The following TDRD9 variants were observed in gnomAD, a reference collection of about 807,000 sequenced individuals.
The protein encoded by TDRD9 is ATP-dependent RNA helicase TDRD9.
In TDRD9, 124 loss-of-function variants were observed where a neutral mutation model predicts 172.6. The observed-to-expected ratio is 0.72, with a 90% CI of 0.62 to 0.83. TDRD9 has a LOEUF of 0.83. TDRD9 is among the 40% of genes least tolerant of loss of function. TDRD9 has a pLI of 0.00. For synonymous variants in TDRD9, 619 were observed against 617.1 expected (o/e 1.00, Z -0.05); for missense variants, 1,479 against 1,714.1 (o/e 0.86, Z 2.42).
chr14:103,941,383 C>CAT lies in TDRD9; in HGVS notation c.215+12661_215+12662dup, dbSNP rs2031222976. 5 of 1,518,130 alleles carry CAT rather than the reference C, an allele frequency of 3.3e-6. No individual in the cohort carries two copies. The East Asian group carries it at 1.2e-4, about 37-fold the overall frequency. 94.0% of individuals were successfully genotyped at this position (1,518,130 alleles called of 1,614,324 possible). The stretch of plus-strand genomic sequence containing the variant: ...AGCAGTAGCAGGAATCATAAGAGAA[C>CAT]ATAGTATTTTTACCTGCTGAGAATA... On this transcript the variant is annotated intron_variant, in intron 1 of 35. Transcript: ENST00000409874.
chr14:103,998,800 T>C (rs2034150524), intron 13 of TDRD9, 72 bp downstream of exon 13: 3 of 805,856 alleles, frequency 3.7e-6, no homozygotes, highest in Admixed American at 2.2e-5. Flanking sequence ...GCTTTTTTTT[T>C]TTTTTTCTCT....
At chr14:104,029,019 A>C (rs1596007031) in intron 28 of TDRD9, among the ~76,000 whole-genome samples, 1 of 152,204 alleles carries the variant, frequency 6.6e-6, no homozygotes, top group East Asian at 1.9e-4. Flanking sequence ...TGGGTTCTCT[A>C]TTCTGTTCCA....
chr14:103,990,825 A>T (rs2033836998), intron 8 of TDRD9, among the ~76,000 whole-genome samples: 2 of 152,232 alleles, frequency 1.3e-5, no homozygotes, highest in South Asian at 2.1e-4. Context: ...TGGACTCATG[A>T]ACATTTAAAT....
rs75611102 is a variant in TDRD9, at chr14:103,930,885, A to G, written c.215+2161A>G. On this transcript the variant is annotated intron_variant, in intron 1 of 35. Coordinates refer to ENST00000409874, the MANE Select transcript of TDRD9 (RefSeq NM_153046.3). ...TTAAGTGCCATTTTAAGCACTAAGG[A>G]CAAGTTTTTAAGATTTCTAGTCCTT... Among the ~76,000 whole-genome samples, 23 of 152,350 alleles carry G rather than the reference A, an allele frequency of 1.5e-4. No homozygotes were observed. The East Asian group carries it at 4.2e-3, about 28-fold the overall frequency.
At chr14:103,950,227 T>G (rs1394366429) in intron 1 of TDRD9, among the ~76,000 whole-genome samples, 1 of 151,716 alleles carries the variant, frequency 6.6e-6, no homozygotes, top group Non-Finnish European at 1.5e-5. Flanking sequence ...GTAGCTGGGA[T>G]TATAGGCACG....
chr14:103,936,353 A>G (rs544731153), intron 1 of TDRD9, among the ~76,000 whole-genome samples: 3 of 152,284 alleles, frequency 2.0e-5, no homozygotes, highest in African/African-American at 7.2e-5. Context: ...TGGCCTCCCA[A>G]AGTGCTAGGA....
At chr14:104,001,425 C>T (rs991651052) in intron 13 of TDRD9, among the ~76,000 whole-genome samples, 2 of 152,196 alleles carry the variant, frequency 1.3e-5, no homozygotes, top group African/African-American at 4.8e-5. Flanking sequence ...CTTTTTATTA[C>T]TAAGTAGTAC....
rs1170296053 is a variant in TDRD9, at chr14:103,965,451, G to T, written c.539G>T (p.Cys180Phe). Residue 180 changes from cysteine (C) to phenylalanine (F), a missense_variant, in exon 4 of 36, where the codon TGC becomes TTC. Cys to Phe is a radical substitution (Grantham distance 205, BLOSUM62 -2). Transcript: ENST00000409874. ...CACTACGTTCAGCGCTCCGCCTACT[G>T]CAGCATTGTGGTCACCCAGCCCCGG... ...LDHYVQRSAY[C>F]SIVVTQPRKI... 6.4e-7 allele frequency: 1 copy of T among 1,551,542 alleles called. No individual in the cohort carries two copies.
chr14:103,977,525 T>TAAAA (rs1333737292), intron 7 of TDRD9, among the ~76,000 whole-genome samples: 2 of 127,926 alleles, frequency 1.6e-5, no homozygotes, highest in African/African-American at 6.0e-5. Flanking sequence ...AAAAAAAAAT[T>TAAAA]GGATTGTTTT....
In TDRD9 at chr14:103,970,587, G is replaced by T; in HGVS notation, c.812G>T (p.Arg271Leu). The change falls in exon 6 of 36, where the codon CGC becomes CTC. Residue 271 changes from arginine (R) to leucine (L), a missense_variant. Coordinates refer to ENST00000409874, the MANE Select transcript of TDRD9 (RefSeq NM_153046.3). ...EEMDFLLLVV[R>L]KLLRTNSRFV... is the part of the protein sequence containing the mutation. ...ATGGATTTCCTGCTATTGGTAGTCC[G>T]CAAACTCTTAAGAACAAATTCACGT... 6.4e-7 allele frequency: 1 copy of T among 1,551,490 alleles called. No individual in the cohort carries two copies. Among genetic ancestry groups the T allele is most frequent in the Non-Finnish European group, 8.7e-7 (1 of 1,146,796 alleles).
chr14:103,970,463 C>A, intron 5 of TDRD9, 78 bp from the exon 6 acceptor site: 1 of 1,004,120 alleles, frequency 1.0e-6, no homozygotes, highest in Non-Finnish European at 1.5e-6. Flanking sequence ...CCCAGTCCCC[C>A]AGTGGTGCCT....
At chr14:103,928,890 C>G (rs2030162812) in intron 1 of TDRD9, 166 bp downstream of exon 1, 1 of 277,926 alleles carries the variant, frequency 3.6e-6, no homozygotes. Flanking sequence ...GACGCGCGGC[C>G]CAGAGCGGTG....
At chr14:104,021,635 G>T (rs930025943) in intron 23 of TDRD9, among the ~76,000 whole-genome samples, 6 of 152,282 alleles carry the variant, frequency 3.9e-5, no homozygotes, top group African/African-American at 1.4e-4. Context: ...GGAGGTTGCA[G>T]TGAGCCAAGA....
At chr14:104,000,149 A>G (rs2152210910) in intron 13 of TDRD9, among the ~76,000 whole-genome samples, 1 of 152,102 alleles carries the variant, frequency 6.6e-6, no homozygotes, top group South Asian at 2.1e-4. Context: ...CAACATGGCA[A>G]AACTCTGTCT....
At chr14:103,992,742 T>G (rs1377622634) in intron 9 of TDRD9, among the ~76,000 whole-genome samples, 1 of 151,726 alleles carries the variant, frequency 6.6e-6, no homozygotes, top group Non-Finnish European at 1.5e-5. Context: ...GCTAACATGG[T>G]GAAACCTCAT....
intron 13 of TDRD9, among the ~76,000 whole-genome samples, chr14:104,003,233 A>G (rs531086260): frequency 1.1e-4 from 17 of 152,180 alleles, no homozygotes; most frequent in African/African-American, 3.9e-4. Flanking sequence ...TTATTTTTTT[A>G]TAAGGGTTAG....
At chr14:104,016,935 G>A (rs1056829743) in intron 22 of TDRD9, among the ~76,000 whole-genome samples, 1 of 151,896 alleles carries the variant, frequency 6.6e-6, no homozygotes, top group Admixed American at 6.6e-5. Flanking sequence ...TACAACTGGA[G>A]GTCTTTGATG....
chr14:104,033,880 T>C (rs2035361465), intron 30 of TDRD9, 80 bp from the exon 31 acceptor site: 3 of 815,252 alleles, frequency 3.7e-6, no homozygotes, highest in Non-Finnish European at 6.2e-6. Flanking sequence ...ATTTTTGAAA[T>C]GGGTTGCTTG....
chr14:103,970,432 G>T (rs1002895046), intron 5 of TDRD9, 109 bp from the exon 6 acceptor site: 16 of 738,560 alleles, frequency 2.2e-5, no homozygotes, highest in Non-Finnish European at 3.0e-5. Flanking sequence ...ACTGCATTTA[G>T]CAGAGAGAAC....
Sources: gnomAD v4.1 joint callset for allele counts (sites outside exome capture counted in the v4.1 genomes callset) on GRCh38, gnomAD v4.1.1 for gene constraint, MANE v1.5 for transcripts, NCBI Gene and HGNC (gene_info 2026-07-23, HGNC 2026-07-21) for gene names.